The following HNRNPC variants were observed in gnomAD, a reference collection of about 807,000 sequenced individuals.
HNRNPC encodes the protein heterogeneous nuclear ribonucleoprotein C.
A neutral mutation model predicts 33.2 loss-of-function variants in HNRNPC; 3 were observed. The ratio of observed to expected loss-of-function variants is 0.09; its 90% CI spans 0.04 to 0.23. The LOEUF is 0.23. Ranked by LOEUF, HNRNPC falls within the 10% of genes least tolerant of loss-of-function variation. HNRNPC has a pLI of 1.00. For missense variants in HNRNPC, 143 were observed against 366.7 expected (o/e 0.39, Z 4.98); for synonymous variants, 121 against 126.7 (o/e 0.96, Z 0.30).
At chr14:21,239,702 G>A (rs1009032675) in intron 2 of HNRNPC, among the ~76,000 whole-genome samples, 1 of 151,846 alleles carries the variant, frequency 6.6e-6, no homozygotes, top group Non-Finnish European at 1.5e-5. Context: ...GGTGTAACCC[G>A]GTCTCTACTA....
chr14:21,230,071 C>T (rs892519285), intron 5 of HNRNPC, among the ~76,000 whole-genome samples: 3 of 151,976 alleles, frequency 2.0e-5, no homozygotes, highest in Admixed American at 6.6e-5. Flanking sequence ...CCACACTCAG[C>T]GAATTTTTTT....
chr14:21,246,435 G>A lies in HNRNPC; in HGVS notation c.-36-12206C>T, dbSNP rs185213678. 4.6e-5 allele frequency among the ~76,000 whole-genome samples: 7 copies of A among 151,990 alleles called. No homozygotes were observed. In the East Asian group the frequency reaches 9.7e-4, roughly 21 times the overall value. ...AAAAAAATTAGCCGGGCGTGTTGGC[G>A]GGTACCTGTAGTCCCAGCTACTTGG... On this transcript the variant is annotated intron_variant, in intron 2 of 8. Coordinates refer to ENST00000553300, the MANE Select transcript of HNRNPC (RefSeq NM_004500.4).
intron 2 of HNRNPC, among the ~76,000 whole-genome samples, chr14:21,240,478 T>C (rs1280992846): frequency 6.6e-6 from 1 of 152,248 alleles, no homozygotes. Flanking sequence ...TTGGAAAAGG[T>C]ACGGCAGTTT....
chr14:21,250,290 G>T (rs1342995902), intron 2 of HNRNPC, among the ~76,000 whole-genome samples: 1 of 152,008 alleles, frequency 6.6e-6, no homozygotes, highest in Admixed American at 6.6e-5. Flanking sequence ...ATACTTAGGG[G>T]TCTTTTGTCT....
chr14:21,231,408 G>A (rs1159945963), intron 3 of HNRNPC: 9 of 467,006 alleles, frequency 1.9e-5, no homozygotes, highest in Non-Finnish European at 3.0e-5. Context: ...ACAAGCTGGA[G>A]TGCAGTGATG....
At chr14:21,269,180 G>C (rs1029175745) in intron 1 of HNRNPC, 118 bp downstream of exon 1, 3 of 152,112 alleles carry the variant, frequency 2.0e-5, no homozygotes, top group African/African-American at 7.3e-5. Context: ...CCCAAAACAA[G>C]CAGAATAAAT....
chr14:21,209,870 G>A lies in HNRNPC; in HGVS notation c.*1353C>T, dbSNP rs556520105. 1 of 152,318 alleles carries A rather than the reference G, an allele frequency of 6.6e-6. No individual in the cohort carries two copies. Among genetic ancestry groups the A allele is most frequent in the African/African-American group, 2.4e-5 (1 of 41,570 alleles). 9.4% of individuals were successfully genotyped at this position (152,318 alleles called of 1,614,324 possible). A position where few individuals can be genotyped will look rare whatever the true frequency, so the allele number is the denominator to read the frequency against. ...TGAGGTATCACCAACACTGGTAGCT[G>A]TTTAATATATTCATCTTACAACTGG... On this transcript the variant is annotated 3_prime_UTR_variant, in exon 9 of 9. Coordinates refer to ENST00000553300, the MANE Select transcript of HNRNPC (RefSeq NM_004500.4).
intron 1 of HNRNPC, chr14:21,264,776 C>T (rs373152141): frequency 2.0e-5 from 3 of 152,266 alleles, no homozygotes; most frequent in African/African-American, 7.2e-5. Flanking sequence ...CACCTGTAAT[C>T]CCAACACTTT....
At chr14:21,247,058 A>G (rs1896056531) in intron 2 of HNRNPC, among the ~76,000 whole-genome samples, 1 of 152,212 alleles carries the variant, frequency 6.6e-6, no homozygotes, top group Non-Finnish European at 1.5e-5. Flanking sequence ...TCAAAGTAAT[A>G]TGTGGATTTT....
At chr14:21,222,253 C>T (rs1892908500) in intron 5 of HNRNPC, among the ~76,000 whole-genome samples, 1 of 152,172 alleles carries the variant, frequency 6.6e-6, no homozygotes, top group African/African-American at 2.4e-5. Flanking sequence ...CCACTTTTAG[C>T]TGTTGGTCAG....
intron 5 of HNRNPC, among the ~76,000 whole-genome samples, chr14:21,213,691 G>A (rs573694802): frequency 6.6e-6 from 1 of 152,230 alleles, no homozygotes; most frequent in Non-Finnish European, 1.5e-5. Context: ...GTAACTGAGG[G>A]AATCATAGCA....
In HNRNPC at chr14:21,218,272, C is replaced by G. The variant is rs370795142; in HGVS notation, c.366-5155G>C. On this transcript the variant is annotated intron_variant, in intron 5 of 8. Coordinates refer to ENST00000553300, the MANE Select transcript of HNRNPC (RefSeq NM_004500.4). ...AGCCACCGTGTGCAGCCACAAATAA[C>G]TTTAACATTACTCATTTGTCATGGT... Among the ~76,000 whole-genome samples, 11 of 152,254 alleles carry G rather than the reference C, an allele frequency of 7.2e-5. No individual in the cohort carries two copies. In the East Asian group the frequency reaches 1.2e-3, roughly 16 times the overall value.
At chr14:21,219,112 A>G (rs1424020647) in intron 5 of HNRNPC, among the ~76,000 whole-genome samples, 1 of 150,094 alleles carries the variant, frequency 6.7e-6, no homozygotes. Context: ...CTTTCTCAAA[A>G]AAAAAAAAAA....
At chr14:21,264,576 T>C (rs191316199) in intron 1 of HNRNPC, 1 of 152,324 alleles carries the variant, frequency 6.6e-6, no homozygotes, top group East Asian at 1.9e-4. Context: ...TGGTACATAA[T>C]ACCACACTAA....
chr14:21,250,399 T>C (rs1896501869), intron 2 of HNRNPC, among the ~76,000 whole-genome samples: 1 of 152,336 alleles, frequency 6.6e-6, no homozygotes, highest in Non-Finnish European at 1.5e-5. Context: ...GACTGTTCTG[T>C]ATGTTTACAT....
intron 2 of HNRNPC, among the ~76,000 whole-genome samples, chr14:21,254,322 A>T (rs1228271046): frequency 2.0e-5 from 3 of 152,144 alleles, no homozygotes; most frequent in African/African-American, 7.2e-5. Flanking sequence ...AACTACTACA[A>T]ATTTTTCAGA....
chr14:21,231,385 G>A, intron 3 of HNRNPC: 2 of 481,832 alleles, frequency 4.2e-6, no homozygotes, highest in South Asian at 3.1e-5. Context: ...TTAAGACACT[G>A]TCTCACTGTC....
At chr14:21,236,317 T>C (rs1894692386) in intron 2 of HNRNPC, 1 of 152,192 alleles carries the variant, frequency 6.6e-6, no homozygotes, top group African/African-American at 2.4e-5. Flanking sequence ...ATTTTTAAAA[T>C]ACAAAAATCC....
chr14:21,250,928 G>T (rs1467792740), intron 2 of HNRNPC, among the ~76,000 whole-genome samples: 1 of 152,146 alleles, frequency 6.6e-6, no homozygotes, highest in Non-Finnish European at 1.5e-5. Context: ...TGGAGCACAG[G>T]CTATTTTCTG....
Sources: gnomAD v4.1 joint callset for allele counts (sites outside exome capture counted in the v4.1 genomes callset) on GRCh38, gnomAD v4.1.1 for gene constraint, MANE v1.5 for transcripts, NCBI Gene and HGNC (gene_info 2026-07-23, HGNC 2026-07-21) for gene names.